The following DLG1 variants were observed in gnomAD, a reference collection of about 807,000 sequenced individuals.
DLG1 encodes discs large MAGUK scaffold protein 1, also known as disks large homolog 1.
Under a neutral mutation model 123.4 loss-of-function variants are expected in DLG1, and 42 were observed. That is an observed-to-expected ratio of 0.34 (90% CI 0.27 to 0.44). The LOEUF (loss-of-function observed/expected upper bound fraction) is 0.44. Ranked by LOEUF, DLG1 falls within the 20% of genes least tolerant of loss-of-function variation. DLG1 has a pLI of 1.00. For synonymous variants in DLG1, 317 were observed against 356.2 expected (o/e 0.89, Z 1.24); for missense variants, 942 against 1,082.6 (o/e 0.87, Z 1.82).
intron 4 of DLG1, among the ~76,000 whole-genome samples, chr3:197,227,021 T>C (rs1370955428): frequency 2.6e-5 from 4 of 152,230 alleles, no homozygotes; most frequent in Non-Finnish European, 4.4e-5. Flanking sequence ...ACAGTATTTA[T>C]TGAAACTCAA....
chr3:197,118,585 AT>A (rs1261280604), intron 12 of DLG1, among the ~76,000 whole-genome samples: 2 of 152,340 alleles, frequency 1.3e-5, no homozygotes, highest in Middle Eastern at 3.4e-3. Context: ...AAGAACAGAC[AT>A]TACTTAGTAC....
intron 13 of DLG1, among the ~76,000 whole-genome samples, chr3:197,114,216 T>G (rs1771743973): frequency 1.3e-5 from 2 of 152,118 alleles, no homozygotes; most frequent in Non-Finnish European, 2.9e-5. Context: ...TTAGAATTGA[T>G]GAAAGACATG....
chr3:197,191,004 C>A (rs1719147961), intron 5 of DLG1, among the ~76,000 whole-genome samples: 1 of 151,964 alleles, frequency 6.6e-6, no homozygotes. Flanking sequence ...AGCGAGACTT[C>A]AACTCAAACA....
chr3:197,298,898 G>A, upstream of DLG1: 2 of 274,836 alleles, frequency 7.3e-6, no homozygotes, highest in Non-Finnish European at 1.4e-5. Context: ...GATTAATTCC[G>A]AGTATGGTAT....
chr3:197,192,909 A>G (rs1351248266), intron 5 of DLG1, among the ~76,000 whole-genome samples: 1 of 152,200 alleles, frequency 6.6e-6, no homozygotes, highest in Non-Finnish European at 1.5e-5. Context: ...CCATGCCTAC[A>G]TATGCTATAG....
rs1721493325 is a variant in DLG1 at position 197,044,108 on chromosome 3, AT to A, written c.*514del. 6.6e-6 allele frequency: 1 copy of A among 152,226 alleles called. No individual in the cohort carries two copies. The highest frequency in any genetic ancestry group is 2.1e-4 in the South Asian group (1 of 4,834). The allele number at this position is 152,226 out of a possible 1,614,324, so 9.4% of individuals were successfully genotyped here. On this transcript the variant is annotated 3_prime_UTR_variant, in exon 25 of 25. Transcript: ENST00000667157. ...CAGACATGAATTTTTAAATTAAAAA[AT>A]GTCCTTATTTATCTATAATGAAACA...
chr3:197,230,107 G>C (rs956424730), intron 4 of DLG1, among the ~76,000 whole-genome samples: 2 of 152,104 alleles, frequency 1.3e-5, no homozygotes, highest in African/African-American at 4.8e-5. Flanking sequence ...AGGCTATCAG[G>C]CAAGCTTTAA....
At chr3:197,202,416 T>C (rs572477972) in intron 4 of DLG1, among the ~76,000 whole-genome samples, 42 of 152,272 alleles carry the variant, frequency 2.8e-4, no homozygotes, top group Admixed American at 1.1e-3. Flanking sequence ...TGATGTGAAA[T>C]GTATCCCAAC....
At chr3:197,098,037 A>C (rs1291577727) in intron 14 of DLG1, among the ~76,000 whole-genome samples, 1 of 151,988 alleles carries the variant, frequency 6.6e-6, no homozygotes, top group African/African-American at 2.4e-5. Context: ...TTTTATTTTT[A>C]ATAAAGGCTA....
chr3:197,165,419 GT>G (rs1238269213), intron 5 of DLG1, among the ~76,000 whole-genome samples: 1 of 152,192 alleles, frequency 6.6e-6, no homozygotes, highest in Non-Finnish European at 1.5e-5. Context: ...ATGATGAAAA[GT>G]TCTGAAGATT....
At chr3:197,073,642 A>G (rs1745434993) in intron 18 of DLG1, among the ~76,000 whole-genome samples, 1 of 152,224 alleles carries the variant, frequency 6.6e-6, no homozygotes, top group Admixed American at 6.5e-5. Flanking sequence ...TACTGTTAAC[A>G]GGGAAATCAA....
In DLG1 at chr3:197,161,028, G is replaced by T. The variant is rs138217302; in HGVS notation, c.484-11232C>A. 7.5e-4 allele frequency among the ~76,000 whole-genome samples: 114 copies of T among 152,254 alleles called. 1 individual carries two copies. In the East Asian group the frequency reaches 0.018, roughly 24 times the overall value. Reference sequence around the variant, plus strand: ...AGTAAAGCTTTGAAAAACTAAAAATGATTAGACTCTCTCACATTTGGCTAT... The same window carrying T: ...AGTAAAGCTTTGAAAAACTAAAAATTATTAGACTCTCTCACATTTGGCTAT... On this transcript the variant is annotated intron_variant, in intron 5 of 24. Coordinates refer to ENST00000667157, the MANE Select transcript of DLG1 (RefSeq NM_001366207.1).
chr3:197,132,179 T>C (rs1782977027), intron 10 of DLG1, among the ~76,000 whole-genome samples: 1 of 152,148 alleles, frequency 6.6e-6, no homozygotes, highest in South Asian at 2.1e-4. Flanking sequence ...ACTTTCAGTT[T>C]TGTCTGTCTT....
chr3:197,250,059 G>C (rs1215724640), intron 4 of DLG1, among the ~76,000 whole-genome samples: 1 of 152,086 alleles, frequency 6.6e-6, no homozygotes, highest in African/African-American at 2.4e-5. Context: ...GAAAAGCAGT[G>C]AAGTAAAACA....
intron 22 of DLG1, among the ~76,000 whole-genome samples, chr3:197,062,670 T>C (rs1736666272): frequency 6.6e-6 from 1 of 152,148 alleles, no homozygotes; most frequent in Admixed American, 6.5e-5. Flanking sequence ...GAATCAGCCA[T>C]TTCTCTAAGG....
rs1299971116 is a variant in DLG1, at chr3:197,211,093, T to C, written c.319-16504A>G. Among the ~76,000 whole-genome samples, 2 of 146,384 alleles carry C rather than the reference T, an allele frequency of 1.4e-5. 1 individual carries two copies. Among genetic ancestry groups the C allele is most frequent in the Non-Finnish European group, 3.1e-5 (2 of 65,280 alleles). Reference sequence around the variant, plus strand: ...AATTATATAATTATTTCAACAGACATATAAAATATGTGATCCAATTGAATA... The same window carrying C: ...AATTATATAATTATTTCAACAGACACATAAAATATGTGATCCAATTGAATA... On this transcript the variant is annotated intron_variant, in intron 4 of 24. Coordinates refer to ENST00000667157, the MANE Select transcript of DLG1 (RefSeq NM_001366207.1).
chr3:197,054,262 G>T (rs527716641), intron 23 of DLG1, among the ~76,000 whole-genome samples: 1 of 152,224 alleles, frequency 6.6e-6, no homozygotes, highest in Non-Finnish European at 1.5e-5. Context: ...GACTTTCTTG[G>T]ATTATATTCA....
intron 10 of DLG1, among the ~76,000 whole-genome samples, chr3:197,131,243 A>G (rs1426238083): frequency 6.6e-6 from 1 of 152,228 alleles, no homozygotes; most frequent in Admixed American, 6.5e-5. Context: ...GGTTTTAGTA[A>G]ATTTATACTC....
intron 16 of DLG1, among the ~76,000 whole-genome samples, chr3:197,084,679 T>A (rs890842924): frequency 6.6e-6 from 1 of 152,074 alleles, no homozygotes; most frequent in Non-Finnish European, 1.5e-5. Flanking sequence ...AAACACAATA[T>A]AAAAAACTGA....
Sources: allele counts gnomAD v4.1 joint callset (sites outside exome capture counted in the v4.1 genomes callset), GRCh38; gene constraint gnomAD v4.1.1; transcripts MANE v1.5; gene names NCBI Gene and HGNC (gene_info 2026-07-23, HGNC 2026-07-21).